The following PPP1R9A variants were observed in gnomAD, a reference collection of about 807,000 sequenced individuals.
The protein encoded by PPP1R9A is protein phosphatase 1 regulatory subunit 9A.
PPP1R9A carries 59 observed loss-of-function variants against 141.9 expected under a neutral mutation model. The observed-to-expected ratio is 0.42, with a 90% CI of 0.34 to 0.52. The LOEUF (loss-of-function observed/expected upper bound fraction) is 0.52. Among genes scored for constraint, PPP1R9A ranks in the 20% least tolerant of loss-of-function variants. The pLI is 0.10. For synonymous variants in PPP1R9A, 500 were observed against 569.7 expected (o/e 0.88, Z 1.74); for missense variants, 1,444 against 1,611.9 (o/e 0.90, Z 1.78).
intron 2 of PPP1R9A, among the ~76,000 whole-genome samples, chr7:95,035,272 G>A (rs994931157): frequency 2.1e-4 from 32 of 152,090 alleles, no homozygotes; most frequent in African/African-American, 7.0e-4. Context: ...TTTTCCTATA[G>A]TAAAGAGAAC....
intron 4 of PPP1R9A, chr7:95,155,781 A>T (rs977886555): frequency 2.6e-5 from 4 of 152,260 alleles, no homozygotes; most frequent in African/African-American, 9.6e-5. Context: ...AGTTTCTTAA[A>T]GACAAGTTAA....
chr7:95,103,486 G>T (rs1382338432), intron 2 of PPP1R9A, among the ~76,000 whole-genome samples: 1 of 150,504 alleles, frequency 6.6e-6, no homozygotes, highest in Non-Finnish European at 1.5e-5. Flanking sequence ...TCCCGCCTCA[G>T]CCTCCTGAGT....
At chr7:95,226,211 C>T in intron 8 of PPP1R9A, 95 bp downstream of exon 8, 1 of 1,245,732 alleles carries the variant, frequency 8.0e-7, no homozygotes, top group Non-Finnish European at 1.1e-6. Context: ...AATCAGTTTG[C>T]AAATCAAAGC....
intron 2 of PPP1R9A, among the ~76,000 whole-genome samples, chr7:95,026,003 C>T (rs1465301259): frequency 6.6e-6 from 1 of 152,062 alleles, no homozygotes; most frequent in Non-Finnish European, 1.5e-5. Context: ...TCTTAGCTTC[C>T]TTGCATTGGG....
At chr7:95,072,322 T>A (rs1426124939) in intron 2 of PPP1R9A, among the ~76,000 whole-genome samples, 1 of 144,630 alleles carries the variant, frequency 6.9e-6, no homozygotes, top group East Asian at 2.0e-4. Flanking sequence ...TTATATAATA[T>A]ATATTATATA....
intron 6 of PPP1R9A, among the ~76,000 whole-genome samples, chr7:95,200,643 A>G (rs1182881898): frequency 6.6e-6 from 1 of 152,156 alleles, no homozygotes; most frequent in Non-Finnish European, 1.5e-5. Context: ...CTTGACATTT[A>G]TACTTAGGAA....
At chr7:95,008,842 A>G (rs1803991139) in intron 2 of PPP1R9A, among the ~76,000 whole-genome samples, 1 of 152,174 alleles carries the variant, frequency 6.6e-6, no homozygotes, top group African/African-American at 2.4e-5. Flanking sequence ...CTATAAAGAC[A>G]CATGCACACG....
At chr7:95,213,315 T>G (rs1364811731) in intron 7 of PPP1R9A, among the ~76,000 whole-genome samples, 3 of 146,808 alleles carry the variant, frequency 2.0e-5, no homozygotes, top group Admixed American at 6.8e-5. Context: ...TCTTTCTTTC[T>G]CTTTCTTTTT....
chr7:94,947,939 TGGGGA>T (rs1477488258), intron 2 of PPP1R9A, among the ~76,000 whole-genome samples: 1 of 152,046 alleles, frequency 6.6e-6, no homozygotes, highest in African/African-American at 2.4e-5. Context: ...GGCTGGGGTT[TGGGGA>T]GGCCTGAGTG....
At chr7:95,265,965 T>C (rs775671098) in intron 12 of PPP1R9A, among the ~76,000 whole-genome samples, 2 of 152,182 alleles carry the variant, frequency 1.3e-5, no homozygotes, top group Non-Finnish European at 2.9e-5. Context: ...ATACACCAGA[T>C]TGCCATTTTT....
At chr7:95,119,036 A>G (rs1822048584) in intron 3 of PPP1R9A, among the ~76,000 whole-genome samples, 1 of 151,938 alleles carries the variant, frequency 6.6e-6, no homozygotes, top group African/African-American at 2.4e-5. Context: ...ATGCTTAAGA[A>G]AGTGAAGGTT....
chr7:95,093,173 C>T (rs997322365), intron 2 of PPP1R9A, among the ~76,000 whole-genome samples: 2 of 152,044 alleles, frequency 1.3e-5, no homozygotes, highest in Non-Finnish European at 2.9e-5. Flanking sequence ...GATAGACTTT[C>T]TCAGGATAGA....
intron 2 of PPP1R9A, among the ~76,000 whole-genome samples, chr7:94,980,378 A>G (rs1042125680): frequency 6.6e-6 from 1 of 152,194 alleles, no homozygotes; most frequent in Non-Finnish European, 1.5e-5. Context: ...TATTACAGTT[A>G]TATATATAAA....
chr7:95,130,524 C>T (rs1323580134), intron 4 of PPP1R9A, among the ~76,000 whole-genome samples: 2 of 152,158 alleles, frequency 1.3e-5, no homozygotes, highest in Non-Finnish European at 2.9e-5. Flanking sequence ...AGAATTCCTA[C>T]TGGGGCACTG....
At chr7:94,992,970 C>G (rs994837377) in intron 2 of PPP1R9A, among the ~76,000 whole-genome samples, 1 of 151,948 alleles carries the variant, frequency 6.6e-6, no homozygotes, top group African/African-American at 2.4e-5. Context: ...AATCCAAGGT[C>G]ACAAATATAT....
intron 4 of PPP1R9A, among the ~76,000 whole-genome samples, chr7:95,159,038 A>G (rs566108047): frequency 6.6e-6 from 1 of 152,316 alleles, no homozygotes; most frequent in South Asian, 2.1e-4. Context: ...ATTTCTGGGT[A>G]TATATCCTGG....
At chr7:95,270,911 T>C (rs1385210264) in intron 14 of PPP1R9A, among the ~76,000 whole-genome samples, 2 of 152,152 alleles carry the variant, frequency 1.3e-5, no homozygotes, top group Non-Finnish European at 2.9e-5. Context: ...GCATTGGGCC[T>C]CTGCAAGTAT....
intron 2 of PPP1R9A, among the ~76,000 whole-genome samples, chr7:95,062,722 G>A (rs964721454): frequency 6.6e-6 from 1 of 151,674 alleles, no homozygotes; most frequent in Admixed American, 6.6e-5. Flanking sequence ...CAGTTTAGTT[G>A]CCCTAAGTAT....
At chr7:95,091,159 A>C (rs1817291092) in intron 2 of PPP1R9A, among the ~76,000 whole-genome samples, 1 of 151,678 alleles carries the variant, frequency 6.6e-6, no homozygotes, top group Non-Finnish European at 1.5e-5. Flanking sequence ...TGTTGTGATT[A>C]ATGTCAGTGT....
Sources: allele counts gnomAD v4.1 joint callset (sites outside exome capture counted in the v4.1 genomes callset), GRCh38; gene constraint gnomAD v4.1.1; transcripts MANE v1.5; gene names NCBI Gene and HGNC (gene_info 2026-07-23, HGNC 2026-07-21).